The following PDE4D variants were observed in gnomAD, a reference collection of about 807,000 sequenced individuals.
PDE4D encodes 3',5'-cyclic-AMP phosphodiesterase 4D.
Under a neutral mutation model 87.4 loss-of-function variants are expected in PDE4D, and 24 were observed. The observed-to-expected ratio is 0.27, with a 90% CI of 0.20 to 0.39. The LOEUF is 0.39. PDE4D is among the 10% of genes least tolerant of loss of function. The pLI, the probability that PDE4D is intolerant of heterozygous loss-of-function variation, is 1.00. For synonymous variants in PDE4D, 384 were observed against 383.2 expected (o/e 1.00, Z -0.02); for missense variants, 714 against 1,041.0 (o/e 0.69, Z 4.32).
intron 1 of PDE4D, among the ~76,000 whole-genome samples, chr5:60,430,552 T>TGTTTG (rs529831763): frequency 6.7e-6 from 1 of 149,420 alleles, no homozygotes; most frequent in Non-Finnish European, 1.5e-5. Flanking sequence ...TTTGTTTGTT[T>TGTTTG]TTTTTTTTTA....
At chr5:59,966,895 T>C (rs1431676883) in intron 3 of PDE4D, among the ~76,000 whole-genome samples, 1 of 152,234 alleles carries the variant, frequency 6.6e-6, no homozygotes, top group Non-Finnish European at 1.5e-5. Flanking sequence ...ATTTTCACTG[T>C]ATTTAAGATA....
intron 1 of PDE4D, among the ~76,000 whole-genome samples, chr5:59,260,237 AC>A (rs1377460630): frequency 1.1e-4 from 17 of 151,876 alleles, no homozygotes; most frequent in Admixed American, 1.1e-3. Context: ...TTCAGAAGAC[AC>A]TAAGGTTTTT....
chr5:59,407,976 G>T (rs981263945), intron 1 of PDE4D, among the ~76,000 whole-genome samples: 2 of 152,204 alleles, frequency 1.3e-5, no homozygotes, highest in Non-Finnish European at 2.9e-5. Flanking sequence ...CTATGTGATA[G>T]AAAATAAAAG....
chr5:60,509,798 T>C (rs570612138), intron 1 of PDE4D, among the ~76,000 whole-genome samples: 1 of 152,320 alleles, frequency 6.6e-6, no homozygotes, highest in South Asian at 2.1e-4. Context: ...CTACACTCTT[T>C]GGAGATATTT....
chr5:60,174,997 T>C (rs1216511574), intron 2 of PDE4D, among the ~76,000 whole-genome samples: 1 of 152,134 alleles, frequency 6.6e-6, no homozygotes, highest in East Asian at 1.9e-4. Context: ...GATTTTTTTC[T>C]TCAAACATTT....
Position 59,950,449 on chromosome 5 carries a change from T to C in PDE4D, c.272+38039A>G, listed in dbSNP as rs893387289. On this transcript the variant is annotated intron_variant, in intron 3 of 16. Coordinates refer to the PDE4D transcript ENST00000502484. The stretch of plus-strand genomic sequence containing the variant: ...TCTTCAGTAATATTCATAAGTATTA[T>C]AAAATAGATGCTACATTTTCCTGGA... Among the ~76,000 whole-genome samples, 12 of 152,152 alleles carry C rather than the reference T, an allele frequency of 7.9e-5. No individual in the cohort carries two copies. In the East Asian group the frequency reaches 1.7e-3, roughly 22 times the overall value.
intron 1 of PDE4D, among the ~76,000 whole-genome samples, chr5:59,822,883 C>T (rs759879024): frequency 2.7e-4 from 41 of 152,268 alleles, no homozygotes; most frequent in Non-Finnish European, 4.9e-4. Context: ...CCAAAATGGC[C>T]GGTAAGCAGT....
intron 1 of PDE4D, among the ~76,000 whole-genome samples, chr5:59,229,529 C>T (rs758190123): frequency 5.3e-5 from 8 of 151,912 alleles, no homozygotes; most frequent in African/African-American, 1.7e-4. Context: ...TTGTGGTACA[C>T]GAAGATTATA....
chr5:60,089,429 C>T (rs1774872338), intron 2 of PDE4D, among the ~76,000 whole-genome samples: 1 of 151,600 alleles, frequency 6.6e-6, no homozygotes, highest in Non-Finnish European at 1.5e-5. Flanking sequence ...AAACAACATG[C>T]TACTGAAAAA....
intron 1 of PDE4D, among the ~76,000 whole-genome samples, chr5:59,373,416 G>GA (rs891436313): frequency 4.5e-4 from 69 of 152,132 alleles, no homozygotes; most frequent in African/African-American, 1.5e-3. Flanking sequence ...CTAAGTGGAG[G>GA]AAAAAATCTC....
chr5:59,957,577 TA>T (rs974145281), intron 3 of PDE4D, among the ~76,000 whole-genome samples: 51 of 152,184 alleles, frequency 3.4e-4, no homozygotes, highest in African/African-American at 1.2e-3. Flanking sequence ...AAAAGGAATA[TA>T]ACATGTATAT....
intron 2 of PDE4D, among the ~76,000 whole-genome samples, chr5:60,073,398 A>G (rs6886465): frequency 0.49 from 74,996 of 151,692 alleles, 18,976 homozygotes; most frequent in East Asian, 0.83. Flanking sequence ...ATGTGCTCCT[A>G]GATTCATTTT....
chr5:59,794,203 G>A (rs530940413), intron 1 of PDE4D, among the ~76,000 whole-genome samples: 15 of 151,354 alleles, frequency 9.9e-5, no homozygotes, highest in Admixed American at 8.5e-4. Flanking sequence ...CTATCTCTGA[G>A]GTAATTCAAC....
At chr5:60,445,257 C>T (rs1427473779) in intron 1 of PDE4D, among the ~76,000 whole-genome samples, 1 of 152,122 alleles carries the variant, frequency 6.6e-6, no homozygotes, top group Non-Finnish European at 1.5e-5. Context: ...AGATGTTTAA[C>T]TGCATTACAG....
At chr5:59,017,839 T>G (rs914317253) in intron 6 of PDE4D, among the ~76,000 whole-genome samples, 2 of 152,194 alleles carry the variant, frequency 1.3e-5, no homozygotes, top group Non-Finnish European at 2.9e-5. Flanking sequence ...CTGAAGGCAA[T>G]AATAAGTGCA....
chr5:60,344,259 T>C (rs890035263), intron 1 of PDE4D, among the ~76,000 whole-genome samples: 1 of 152,156 alleles, frequency 6.6e-6, no homozygotes, highest in African/African-American at 2.4e-5. Flanking sequence ...CCAACGGACA[T>C]AGCAAGGGGT....
chr5:59,956,095 A>G lies in PDE4D; in HGVS notation c.272+32393T>C, dbSNP rs563313861. 2.6e-5 allele frequency among the ~76,000 whole-genome samples: 4 copies of G among 152,336 alleles called. No homozygotes were observed. In the East Asian group the frequency reaches 7.7e-4, roughly 29 times the overall value. ...TTGATCGGATTCTGAATCAGGTATC[A>G]GTGCAAAAGCAAGAGTTCAAAAATC... is the stretch of plus-strand genomic sequence containing the variant. On this transcript the variant is annotated intron_variant, in intron 3 of 16. Coordinates refer to the PDE4D transcript ENST00000502484.
chr5:59,307,329 G>A, intron 1 of PDE4D, among the ~76,000 whole-genome samples: 1 of 147,154 alleles, frequency 6.8e-6, no homozygotes, highest in Non-Finnish European at 1.5e-5. Flanking sequence ...AACACCAAAA[G>A]CAATGGCAAC....
At chr5:60,520,243 T>C (rs939760400) in intron 1 of PDE4D, among the ~76,000 whole-genome samples, 2 of 152,184 alleles carry the variant, frequency 1.3e-5, no homozygotes, top group African/African-American at 2.4e-5. Flanking sequence ...CTCCTTTCTC[T>C]TCTACCTCTA....
Sources: gnomAD v4.1 joint callset for allele counts (sites outside exome capture counted in the v4.1 genomes callset) on GRCh38, gnomAD v4.1.1 for gene constraint, MANE v1.5 for transcripts, NCBI Gene and HGNC (gene_info 2026-07-23, HGNC 2026-07-21) for gene names.